The following SUCLG1 variants were observed in gnomAD, a reference collection of about 807,000 sequenced individuals.
SUCLG1 encodes succinate-CoA ligase GDP/ADP-forming subunit alpha.
Under a neutral mutation model 37.3 loss-of-function variants are expected in SUCLG1, and 26 were observed. The ratio of observed to expected loss-of-function variants is 0.70; its 90% confidence interval spans 0.51 to 0.97. The LOEUF is 0.97. SUCLG1 is among the 50% of genes least tolerant of loss of function. The pLI, the probability that SUCLG1 is intolerant of heterozygous loss-of-function variation, is 0.00. For synonymous variants in SUCLG1, 163 were observed against 155.6 expected (o/e 1.05, Z -0.36); for missense variants, 433 against 432.9 (o/e 1.00, Z 0.00).
chr2:84,427,481 C>T (rs1484135865), intron 7 of SUCLG1, among the ~76,000 whole-genome samples: 1 of 152,140 alleles, frequency 6.6e-6, no homozygotes, highest in Non-Finnish European at 1.5e-5. Context: ...TGCAGATCTT[C>T]CAAATGCTGA....
intron 5 of SUCLG1, among the ~76,000 whole-genome samples, chr2:84,435,339 A>G (rs921840861): frequency 2.0e-5 from 3 of 152,202 alleles, no homozygotes; most frequent in African/African-American, 7.2e-5. Context: ...CAATGCTTTC[A>G]TATTTCCTAC....
intron 7 of SUCLG1, chr2:84,426,051 C>T (rs1558607303): frequency 1.0e-5 from 2 of 197,138 alleles, no homozygotes; most frequent in African/African-American, 2.4e-5. Context: ...CTGGAAAGGA[C>T]CTAGGACTTA....
At chr2:84,456,576 T>C (rs1313918769) in intron 1 of SUCLG1, among the ~76,000 whole-genome samples, 3 of 152,154 alleles carry the variant, frequency 2.0e-5, no homozygotes, top group Admixed American at 2.0e-4. Flanking sequence ...ACTTCAAGGG[T>C]GCTTATGAAA....
intron 2 of SUCLG1, 66 bp downstream of exon 2, chr2:84,449,583 T>TA (rs565130052): frequency 1.3e-5 from 15 of 1,114,814 alleles, no homozygotes; most frequent in Non-Finnish European, 1.9e-5. Context: ...ATATTAAAAA[T>TA]AAAAAAATAG....
chr2:84,434,438 A>G (rs752044928), intron 5 of SUCLG1, among the ~76,000 whole-genome samples: 15 of 152,206 alleles, frequency 9.9e-5, no homozygotes, highest in Non-Finnish European at 2.1e-4. Flanking sequence ...TTAATTTCAC[A>G]TCTGGATTAG....
intron 5 of SUCLG1, among the ~76,000 whole-genome samples, chr2:84,434,691 C>T (rs936368133): frequency 1.8e-4 from 28 of 152,170 alleles, no homozygotes; most frequent in African/African-American, 6.5e-4. Flanking sequence ...AATATGATCA[C>T]CCTACCAGGG....
chr2:84,443,141 T>C lies in SUCLG1; in HGVS notation c.318+143A>G. The C allele has an allele frequency of 3.8e-6, 3 of 798,094 alleles. No individual in the cohort carries two copies. In the South Asian group the frequency reaches 4.1e-5, roughly 11 times the overall value. The allele number at this position is 798,094 out of a possible 1,614,324, so 49.4% of individuals were successfully genotyped here. ...AACAAAAATAACACACTGGTTTTGATGGCAATTCAAATTTCTCTAGGTTAC... is the reference window on the plus strand; with the variant it reads ...AACAAAAATAACACACTGGTTTTGACGGCAATTCAAATTTCTCTAGGTTAC... On this transcript the variant is annotated intron_variant, in intron 3 of 8. Coordinates refer to ENST00000393868, the MANE Select transcript of SUCLG1 (RefSeq NM_003849.4).
At chr2:84,459,080 C>G (rs903094166) in intron 1 of SUCLG1, 93 bp downstream of exon 1, 11 of 1,341,638 alleles carry the variant, frequency 8.2e-6, no homozygotes, top group Non-Finnish European at 1.1e-5. Context: ...GAGGTCCAGC[C>G]CTGAGGGCCC....
At chr2:84,453,877 G>T (rs1050942780) in intron 1 of SUCLG1, among the ~76,000 whole-genome samples, 1 of 152,206 alleles carries the variant, frequency 6.6e-6, no homozygotes, top group Admixed American at 6.5e-5. Flanking sequence ...TGCGTCCCAG[G>T]AGCAGCTGAG....
intron 2 of SUCLG1, among the ~76,000 whole-genome samples, chr2:84,448,434 C>G (rs1201118571): frequency 1.3e-5 from 2 of 149,950 alleles, no homozygotes; most frequent in Non-Finnish European, 2.9e-5. Flanking sequence ...AATATGTTTA[C>G]TGACCTCTGC....
chr2:84,435,829 C>T (rs1380298575), intron 5 of SUCLG1, among the ~76,000 whole-genome samples: 1 of 152,218 alleles, frequency 6.6e-6, no homozygotes, highest in East Asian at 1.9e-4. Flanking sequence ...CTCTTTCCAG[C>T]AGCCTGTTCT....
intron 7 of SUCLG1, among the ~76,000 whole-genome samples, chr2:84,430,391 G>A (rs1386201772): frequency 6.6e-6 from 1 of 152,182 alleles, no homozygotes; most frequent in African/African-American, 2.4e-5. Flanking sequence ...GCTTCTAAGT[G>A]ACAGACAGGA....
intron 5 of SUCLG1, among the ~76,000 whole-genome samples, chr2:84,437,150 T>C (rs1032055811): frequency 2.6e-5 from 4 of 152,172 alleles, no homozygotes; most frequent in African/African-American, 4.8e-5. Flanking sequence ...CATTTCATCA[T>C]TGAGAAGATT....
At chr2:84,448,800 G>A (rs1367659604) in intron 2 of SUCLG1, 1 of 183,156 alleles carries the variant, frequency 5.5e-6, no homozygotes, top group Non-Finnish European at 1.2e-5. Context: ...AATATGGATT[G>A]TATATATATT....
intron 5 of SUCLG1, among the ~76,000 whole-genome samples, chr2:84,437,064 C>A (rs1238924945): frequency 1.3e-5 from 2 of 152,188 alleles, no homozygotes; most frequent in African/African-American, 4.8e-5. Flanking sequence ...TCTCATTTAT[C>A]ACTTTTCCCC....
intron 5 of SUCLG1, among the ~76,000 whole-genome samples, chr2:84,436,621 T>C (rs1672690739): frequency 6.6e-6 from 1 of 152,258 alleles, no homozygotes; most frequent in African/African-American, 2.4e-5. Context: ...TTTCAAGTTT[T>C]AATTTTTATC....
chr2:84,440,781 G>C (rs997705495), intron 5 of SUCLG1, among the ~76,000 whole-genome samples: 2 of 152,038 alleles, frequency 1.3e-5, no homozygotes, highest in Non-Finnish European at 2.9e-5. Flanking sequence ...AACACATGGA[G>C]TAATCCACAG....
At chr2:84,456,876 C>T (rs143830104) in intron 1 of SUCLG1, among the ~76,000 whole-genome samples, 10,600 of 152,102 alleles carry the variant, frequency 0.07, 1,218 homozygotes, top group African/African-American at 0.24. Context: ...CTTGGCCAGG[C>T]TGGTCTTGAA....
Position 84,455,362 on chromosome 2 carries a change from C to T in SUCLG1, c.97+3811G>A, listed in dbSNP as rs1673001459. 2.0e-5 allele frequency among the ~76,000 whole-genome samples: 3 copies of T among 152,082 alleles called. No individual in the cohort carries two copies. The South Asian group carries it at 6.2e-4, about 32-fold the overall frequency. On this transcript the variant is annotated intron_variant, in intron 1 of 8. Transcript: ENST00000393868. Reference sequence around the variant, plus strand: ...ATACAAAATTAGCCGGACATGGTGGCACATGCCTGTAATCCCAGCTAGTCG... The same window carrying T: ...ATACAAAATTAGCCGGACATGGTGGTACATGCCTGTAATCCCAGCTAGTCG...
Sources: gnomAD v4.1 joint callset for allele counts (sites outside exome capture counted in the v4.1 genomes callset) on GRCh38, gnomAD v4.1.1 for gene constraint, MANE v1.5 for transcripts, NCBI Gene and HGNC (gene_info 2026-07-23, HGNC 2026-07-21) for gene names.